SPEF2: variants seen among roughly 807,000 people sequenced by gnomAD.
The protein encoded by SPEF2 is sperm flagellar and cilia associated 2, also known as sperm flagella and cilia-associated protein 2.
SPEF2 carries 187 observed loss-of-function variants against 224.6 expected under a neutral mutation model. The observed-to-expected ratio is 0.83, with a 90% CI of 0.74 to 0.94. The LOEUF (loss-of-function observed/expected upper bound fraction) is 0.94. Among genes scored for constraint, SPEF2 ranks in the 40% least tolerant of loss-of-function variants. The pLI is 0.00. For missense variants in SPEF2, 2,170 were observed against 2,135.6 expected (o/e 1.02, Z -0.32); for synonymous variants, 715 against 707.3 (o/e 1.01, Z -0.17).
At chr5:35,808,141 C>T in intron 36 of SPEF2, 1 of 987,072 alleles carries the variant, frequency 1.0e-6, no homozygotes, top group Non-Finnish European at 1.2e-6. Context: ...AAATATCTTC[C>T]TGTGTGCCTA....
chr5:35,701,586 G>A (rs564618727), intron 16 of SPEF2, among the ~76,000 whole-genome samples: 105 of 152,214 alleles, frequency 6.9e-4, no homozygotes, highest in African/African-American at 2.3e-3. Context: ...GACCCTTGGG[G>A]GTACCTGATT....
At chr5:35,798,049 G>A (rs1050178479) in intron 33 of SPEF2, among the ~76,000 whole-genome samples, 5 of 152,034 alleles carry the variant, frequency 3.3e-5, no homozygotes, top group Non-Finnish European at 5.9e-5. Flanking sequence ...TTCAAAACGC[G>A]TAAATCCCGA....
intron 20 of SPEF2, among the ~76,000 whole-genome samples, chr5:35,718,262 TCTTTC>T (rs1561255025): frequency 2.6e-5 from 4 of 151,966 alleles, no homozygotes; most frequent in Non-Finnish European, 5.9e-5. Context: ...GGAAATAAAC[TCTTTC>T]AAGTTTGGAG....
intron 30 of SPEF2, among the ~76,000 whole-genome samples, chr5:35,787,502 C>T (rs1327137830): frequency 6.6e-6 from 1 of 152,086 alleles, no homozygotes. Flanking sequence ...ATACAAGACG[C>T]GTGTAAGAGG....
intron 21 of SPEF2, among the ~76,000 whole-genome samples, chr5:35,733,183 T>C (rs4524534): frequency 0.66 from 99,649 of 151,782 alleles, 33,298 homozygotes; most frequent in African/African-American, 0.75. Context: ...GGCATGATCT[T>C]GGCTCACTGC....
intron 19 of SPEF2, chr5:35,709,643 A>C (rs1347494019): frequency 2.0e-5 from 18 of 908,146 alleles, no homozygotes; most frequent in Non-Finnish European, 2.1e-5. Flanking sequence ...CAGTAAACAT[A>C]TATTTATGGA....
At chr5:35,769,628 A>C (rs867011637) in intron 26 of SPEF2, among the ~76,000 whole-genome samples, 1 of 152,166 alleles carries the variant, frequency 6.6e-6, no homozygotes, top group African/African-American at 2.4e-5. Flanking sequence ...ACAAAGAAGT[A>C]GGACTGGTTT....
At chr5:35,745,350 G>C (rs954928500) in intron 23 of SPEF2, among the ~76,000 whole-genome samples, 1 of 152,134 alleles carries the variant, frequency 6.6e-6, no homozygotes, top group Non-Finnish European at 1.5e-5. Flanking sequence ...TGCACATCCG[G>C]TGTGCAGACT....
intron 21 of SPEF2, among the ~76,000 whole-genome samples, chr5:35,736,718 A>G (rs901665184): frequency 3.3e-5 from 5 of 152,188 alleles, no homozygotes; most frequent in African/African-American, 1.2e-4. Flanking sequence ...TTTCCCATCA[A>G]GAGTTTTACA....
At chr5:35,677,740 T>G (rs1211607152) in intron 10 of SPEF2, among the ~76,000 whole-genome samples, 1 of 152,188 alleles carries the variant, frequency 6.6e-6, no homozygotes, top group African/African-American at 2.4e-5. Context: ...AGCCCCTACC[T>G]ATTGTCTGCA....
At chr5:35,701,685 C>G (rs933601808) in intron 16 of SPEF2, among the ~76,000 whole-genome samples, 3 of 152,010 alleles carry the variant, frequency 2.0e-5, no homozygotes, top group Non-Finnish European at 4.4e-5. Context: ...GCAAATGATT[C>G]GTGTTCTTAG....
chr5:35,636,049 T>C (rs1745789542), intron 2 of SPEF2, among the ~76,000 whole-genome samples: 1 of 152,154 alleles, frequency 6.6e-6, no homozygotes. Context: ...AATAATATAA[T>C]GTGTCAATTC....
chr5:35,783,572 C>A (rs1253903102), intron 30 of SPEF2, among the ~76,000 whole-genome samples: 1 of 152,010 alleles, frequency 6.6e-6, no homozygotes, highest in African/African-American at 2.4e-5. Context: ...ACAAAGTATT[C>A]TATTATCCAA....
rs566476333 is a variant in SPEF2, at chr5:35,778,339, A to C, written c.4218-778A>C. 9.8e-5 allele frequency among the ~76,000 whole-genome samples: 15 copies of C among 152,304 alleles called. 1 individual carries two copies. In the South Asian group the frequency reaches 2.9e-3, roughly 29 times the overall value. ...ACAGTTTAAATCTTTGCCGTATATG[A>C]GTTCACATTAATAACCATAAGATAG... On this transcript the variant is annotated intron_variant, in intron 29 of 36. Coordinates refer to ENST00000356031, the MANE Select transcript of SPEF2 (RefSeq NM_024867.4).
intron 10 of SPEF2, among the ~76,000 whole-genome samples, chr5:35,687,471 T>G (rs73082277): frequency 0.034 from 5,124 of 152,154 alleles, 306 homozygotes; most frequent in African/African-American, 0.12. Flanking sequence ...TTTAACATTT[T>G]TTTTGAGATG....
At chr5:35,769,750 G>A (rs1433164440) in intron 26 of SPEF2, among the ~76,000 whole-genome samples, 2 of 152,144 alleles carry the variant, frequency 1.3e-5, no homozygotes, top group Non-Finnish European at 2.9e-5. Flanking sequence ...CAGAATTTTG[G>A]AGAAGGCGGG....
chr5:35,726,452 C>T (rs968308513), intron 20 of SPEF2, among the ~76,000 whole-genome samples: 4 of 152,014 alleles, frequency 2.6e-5, no homozygotes, highest in Non-Finnish European at 4.4e-5. Context: ...TAAACAAAGA[C>T]TTTCTTAAAT....
intron 21 of SPEF2, among the ~76,000 whole-genome samples, chr5:35,739,444 A>G (rs1015684140): frequency 6.6e-6 from 1 of 152,186 alleles, no homozygotes; most frequent in African/African-American, 2.4e-5. Flanking sequence ...GTGCAACAGC[A>G]TGATCCTGGC....
intron 30 of SPEF2, chr5:35,790,234 A>T (rs1755769454): frequency 3.0e-6 from 2 of 676,418 alleles, no homozygotes; most frequent in Admixed American, 4.4e-5. Flanking sequence ...CTAATTATTC[A>T]GTTGAATTCT....
Sources: gnomAD v4.1 joint callset for allele counts (sites outside exome capture counted in the v4.1 genomes callset) on GRCh38, gnomAD v4.1.1 for gene constraint, MANE v1.5 for transcripts, NCBI Gene and HGNC (gene_info 2026-07-23, HGNC 2026-07-21) for gene names.